DIAPH3: variants seen among roughly 807,000 people sequenced by gnomAD.
DIAPH3 encodes protein diaphanous homolog 3.
In DIAPH3, 117 loss-of-function variants were observed where a neutral mutation model predicts 144.3. The ratio of observed to expected loss-of-function variants is 0.81; its 90% CI spans 0.70 to 0.95. DIAPH3 has a LOEUF of 0.95. Ranked by LOEUF, DIAPH3 falls within the 40% of genes least tolerant of loss-of-function variation. The pLI is 0.00. For missense variants in DIAPH3, 1,421 were observed against 1,412.7 expected, an observed-to-expected ratio of 1.01 and a Z score of -0.09; for synonymous variants, 519 against 488.9, an observed-to-expected ratio of 1.06 and a Z score of -0.81.
chr13:59,691,958 C>G (rs574474788), intron 27 of DIAPH3, among the ~76,000 whole-genome samples: 11 of 152,176 alleles, frequency 7.2e-5, no homozygotes, highest in South Asian at 6.2e-4. Context: ...GACTCAAATA[C>G]TTCATTCAGC....
intron 15 of DIAPH3, 28 bp downstream of exon 15, chr13:59,974,324 C>T (rs1462462117): frequency 3.2e-6 from 5 of 1,565,418 alleles, no homozygotes; most frequent in Admixed American, 1.7e-5. Flanking sequence ...GTTTTTAATA[C>T]CCAAATTCAC....
At chr13:59,835,820 A>G (rs1311828756) in intron 23 of DIAPH3, among the ~76,000 whole-genome samples, 1 of 151,826 alleles carries the variant, frequency 6.6e-6, no homozygotes, top group Non-Finnish European at 1.5e-5. Context: ...AAAGTTCAAC[A>G]TACTAAATTC....
At chr13:59,837,900 G>T (rs1407662612) in intron 23 of DIAPH3, 1 of 152,070 alleles carries the variant, frequency 6.6e-6, no homozygotes. Flanking sequence ...ATTGTTGCTG[G>T]AGTATATTTT....
chr13:59,934,703 G>GCA (rs78457462), intron 17 of DIAPH3, among the ~76,000 whole-genome samples: 96,372 of 151,780 alleles, frequency 0.63, 31,430 homozygotes, highest in African/African-American at 0.72. Context: ...GGAAACCTAA[G>GCA]CAGAGAATAT....
chr13:59,972,390 C>T (rs2050436771), intron 15 of DIAPH3, among the ~76,000 whole-genome samples: 1 of 152,158 alleles, frequency 6.6e-6, no homozygotes, highest in South Asian at 2.1e-4. Context: ...TAATAAATAA[C>T]TTTTGTAATA....
chr13:60,094,864 T>C (rs1033836855), intron 3 of DIAPH3, among the ~76,000 whole-genome samples: 1 of 152,150 alleles, frequency 6.6e-6, no homozygotes, highest in Non-Finnish European at 1.5e-5. Flanking sequence ...CGATAAAAGG[T>C]AGTAATTGGC....
intron 13 of DIAPH3, among the ~76,000 whole-genome samples, chr13:59,982,177 TA>T (rs2051058700): frequency 1.3e-5 from 2 of 151,502 alleles, no homozygotes; most frequent in South Asian, 4.1e-4. Context: ...TCTAAATATT[TA>T]AAAATCAGTA....
At chr13:59,780,740 G>T (rs1359872027) in intron 25 of DIAPH3, among the ~76,000 whole-genome samples, 1 of 152,162 alleles carries the variant, frequency 6.6e-6, no homozygotes, top group East Asian at 1.9e-4. Context: ...GCGGCCCATT[G>T]CTGGAGAAAA....
chr13:59,953,677 G>A (rs1352225000), intron 17 of DIAPH3, among the ~76,000 whole-genome samples: 3 of 151,850 alleles, frequency 2.0e-5, no homozygotes, highest in Admixed American at 6.6e-5. Context: ...GATGTGTAGA[G>A]CAGAAAAGTA....
chr13:60,148,693 C>T (rs1951646246), intron 1 of DIAPH3, among the ~76,000 whole-genome samples: 1 of 152,084 alleles, frequency 6.6e-6, no homozygotes, highest in Non-Finnish European at 1.5e-5. Context: ...AAGGTTTGTA[C>T]AAATACAATG....
chr13:59,993,997 C>T lies in DIAPH3; in HGVS notation c.1015-1414G>A, dbSNP rs534097209. Among the ~76,000 whole-genome samples the T allele has an allele frequency of 1.4e-4, 21 of 151,768 alleles. No homozygotes were observed. The East Asian group carries it at 2.3e-3, about 17-fold the overall frequency. On this transcript the variant is annotated intron_variant, in intron 9 of 27. Transcript: ENST00000400324. Reference sequence around the variant, plus strand: ...CAGAAAGTAGCAAAAACAAGGAACACAAAAACTAGCAGCAAATATTACCTA... The same window carrying T: ...CAGAAAGTAGCAAAAACAAGGAACATAAAAACTAGCAGCAAATATTACCTA...
intron 27 of DIAPH3, among the ~76,000 whole-genome samples, chr13:59,673,700 G>A (rs1333224106): frequency 6.6e-6 from 1 of 152,176 alleles, no homozygotes; most frequent in Non-Finnish European, 1.5e-5. Flanking sequence ...GGGTACGGGA[G>A]CTTGAGCTCA....
Position 59,689,200 on chromosome 13 carries a change from A to G in DIAPH3, c.3320-22354T>C, listed in dbSNP as rs528073443. 6.6e-5 allele frequency among the ~76,000 whole-genome samples: 10 copies of G among 152,144 alleles called. No homozygotes were observed. The South Asian group carries it at 1.0e-3, about 16-fold the overall frequency. On this transcript the variant is annotated intron_variant, in intron 27 of 27. Coordinates refer to ENST00000400324, the MANE Select transcript of DIAPH3 (RefSeq NM_001042517.2). ...CTGAGGAAGCTTAAATACAGGGGAGAAAGTAAAGAAGGCCTGGACTACCTG... is the reference window on the plus strand; with the variant it reads ...CTGAGGAAGCTTAAATACAGGGGAGGAAGTAAAGAAGGCCTGGACTACCTG...
At chr13:59,808,708 T>C (rs1419517987) in intron 25 of DIAPH3, among the ~76,000 whole-genome samples, 1 of 152,114 alleles carries the variant, frequency 6.6e-6, no homozygotes, top group Non-Finnish European at 1.5e-5. Flanking sequence ...GAATCAATCA[T>C]ATATATATTA....
At chr13:59,967,320 C>T (rs1566584885) in intron 17 of DIAPH3, among the ~76,000 whole-genome samples, 3 of 151,948 alleles carry the variant, frequency 2.0e-5, no homozygotes. Context: ...AGTGATCAAC[C>T]CACCTCGACC....
At chr13:60,155,471 G>A (rs1324049482) in intron 1 of DIAPH3, among the ~76,000 whole-genome samples, 1 of 152,060 alleles carries the variant, frequency 6.6e-6, no homozygotes, top group East Asian at 1.9e-4. Flanking sequence ...AAAAATTTCT[G>A]GGTTTTTCTG....
intron 17 of DIAPH3, among the ~76,000 whole-genome samples, chr13:59,968,189 G>C (rs1157532147): frequency 2.6e-5 from 4 of 152,084 alleles, no homozygotes; most frequent in African/African-American, 4.8e-5. Context: ...ATTTCATTTA[G>C]GGCTAACATT....
At chr13:59,690,062 G>A (rs534255725) in intron 27 of DIAPH3, among the ~76,000 whole-genome samples, 1 of 152,158 alleles carries the variant, frequency 6.6e-6, no homozygotes, top group Admixed American at 6.6e-5. Context: ...TGCTCATGGT[G>A]AAGAAAGGAT....
chr13:60,109,341 AC>A (rs2058504302), intron 3 of DIAPH3, among the ~76,000 whole-genome samples: 2 of 152,212 alleles, frequency 1.3e-5, no homozygotes, highest in African/African-American at 2.4e-5. Flanking sequence ...GTAATTTGTT[AC>A]GGCAGCAATA....
Sources: gnomAD v4.1 joint callset for allele counts (sites outside exome capture counted in the v4.1 genomes callset) on GRCh38, gnomAD v4.1.1 for gene constraint, MANE v1.5 for transcripts, NCBI Gene and HGNC (gene_info 2026-07-23, HGNC 2026-07-21) for gene names.